Variants in FAM135A observed in about 807,000 individuals in gnomAD.
FAM135A encodes protein FAM135A.
Under a neutral mutation model 146.8 loss-of-function variants are expected in FAM135A, and 79 were observed. That is an observed-to-expected ratio of 0.54 (90% confidence interval 0.45 to 0.65). The LOEUF (loss-of-function observed/expected upper bound fraction) is 0.65, where lower values mean the gene tolerates loss of function less well. Ranked by LOEUF, FAM135A falls within the 30% of genes least tolerant of loss-of-function variation. The probability of loss-of-function intolerance (pLI) is 0.00; values close to 1 mark genes in which losing one functional copy is unlikely to be tolerated. For missense variants in FAM135A, 1,623 were observed against 1,758.2 expected, an observed-to-expected ratio of 0.92 and a Z score of 1.38; for synonymous variants, 562 against 603.6, an observed-to-expected ratio of 0.93 and a Z score of 1.01.
chr6:70,546,029 A>C (rs1798802105), intron 20 of FAM135A, among the ~76,000 whole-genome samples: 1 of 152,024 alleles, frequency 6.6e-6, no homozygotes, highest in Non-Finnish European at 1.5e-5. Flanking sequence ...GAACTATTTC[A>C]TGTGGGGTGT....
At chr6:70,455,023 T>C (rs991814363) in intron 5 of FAM135A, among the ~76,000 whole-genome samples, 1 of 152,212 alleles carries the variant, frequency 6.6e-6, no homozygotes, top group Admixed American at 6.5e-5. Flanking sequence ...CCTTGGGCAG[T>C]ATGGCCATTT....
chr6:70,413,633 C>T lies in FAM135A; in HGVS notation c.-289C>T, dbSNP rs1056421646. On this transcript the variant is annotated 5_prime_UTR_variant, in exon 1 of 22. Coordinates refer to ENST00000418814, the MANE Select transcript of FAM135A (RefSeq NM_001162529.3). Reference sequence around the variant, plus strand: ...GGGATGGTGCTGACCCGGGTCGGGCCGTCTTCTTGCAGCTGGACAACGAGC... The same window carrying T: ...GGGATGGTGCTGACCCGGGTCGGGCTGTCTTCTTGCAGCTGGACAACGAGC... 1.3e-4 allele frequency: 29 copies of T among 216,916 alleles called. No individual in the cohort carries two copies. Among genetic ancestry groups the T allele is most frequent in the Non-Finnish European group, 2.3e-4 (29 of 126,852 alleles). The allele number at this position is 216,916 out of a possible 1,614,324, so 13.4% of individuals were successfully genotyped here.
chr6:70,423,322 C>T (rs1368882391), intron 2 of FAM135A, among the ~76,000 whole-genome samples: 2 of 152,074 alleles, frequency 1.3e-5, no homozygotes, highest in Non-Finnish European at 2.9e-5. Context: ...GAGACAAAAG[C>T]TGGTTTTTTG....
chr6:70,459,899 C>T (rs1387578455), intron 5 of FAM135A, among the ~76,000 whole-genome samples: 5 of 152,008 alleles, frequency 3.3e-5, no homozygotes, highest in East Asian at 1.9e-4. Flanking sequence ...GGCGTGGTGG[C>T]GGGTGCCTGT....
chr6:70,526,442 G>C lies in FAM135A; in HGVS notation c.3358G>C (p.Asp1120His), dbSNP rs1794703276. 6.2e-7 allele frequency: 1 copy of C among 1,613,402 alleles called. No individual in the cohort carries two copies. Among genetic ancestry groups the C allele is most frequent in the Non-Finnish European group, 8.5e-7 (1 of 1,179,636 alleles). ...AATAAATGCTCACTATACAAGCAGA[G>C]ATGAACTAATGGAAGAAAGACTTAC... ...GTINAHYTSR[D>H]ELMEERLTKS... is the part of the protein sequence containing the mutation. The change falls in exon 15 of 22, where the codon GAT (aspartate) becomes CAT (histidine). Residue 1120 changes from aspartate to histidine, a missense_variant. Coordinates refer to ENST00000418814, the MANE Select transcript of FAM135A (RefSeq NM_001162529.3).
rs531405365 is a variant in FAM135A at position 70,522,577 on chromosome 6, A to G, written c.1094A>G (p.Gln365Arg). ...CCAAGAGAAGCTGCCATTGCATACC[A>G]GGAACTTCAGTGAGTAGTATAAATT... ...EHPREAAIAY[Q>R]ELHAQSHLQM... The change falls in exon 13 of 22, where the codon CAG (glutamine) becomes CGG (arginine). Residue 365 changes from glutamine (Q) to arginine (R), a missense_variant. This residue lies in a region of FAM135A where 23 missense variants were observed against 47.7 expected (regional missense o/e 0.48). Transcript: ENST00000418814. The G allele has an allele frequency of 1.2e-6, 2 of 1,613,360 alleles. No individual in the cohort carries two copies. Among genetic ancestry groups the G allele is most frequent in the African/African-American group, 2.7e-5 (2 of 75,040 alleles).
At chr6:70,419,991 G>A (rs183026434) in intron 2 of FAM135A, among the ~76,000 whole-genome samples, 25 of 152,264 alleles carry the variant, frequency 1.6e-4, no homozygotes, top group African/African-American at 6.0e-4. Flanking sequence ...CGGTCTGTAG[G>A]CGACTTTTGC....
chr6:70,416,877 G>A (rs1201480692), intron 2 of FAM135A, among the ~76,000 whole-genome samples: 2 of 152,182 alleles, frequency 1.3e-5, no homozygotes, highest in Non-Finnish European at 2.9e-5. Flanking sequence ...GCAGGTCTAG[G>A]TTTTTCAGAA....
intron 11 of FAM135A, among the ~76,000 whole-genome samples, chr6:70,493,921 C>T (rs534427006): frequency 2.0e-5 from 3 of 151,844 alleles, no homozygotes; most frequent in South Asian, 2.1e-4. Context: ...GGCATGGTGG[C>T]GGGCACCTGC....
intron 2 of FAM135A, chr6:70,418,379 G>A (rs1768007482): frequency 6.6e-6 from 1 of 152,108 alleles, no homozygotes; most frequent in Admixed American, 6.6e-5. Context: ...ACCCAGGCTG[G>A]AGTGCAGTGG....
At position 70,561,049 on chromosome 6, in the gene FAM135A, CTAAT is replaced by C. The variant is rs1313320945; in HGVS notation, c.*1130_*1133del. The C allele has an allele frequency of 1.3e-5, 2 of 152,532 alleles. No homozygotes were observed. The highest frequency in any genetic ancestry group is 3.8e-4 in the East Asian group (2 of 5,196). The allele number at this position is 152,532 out of a possible 1,614,324, so 9.4% of individuals were successfully genotyped here. On this transcript the variant is annotated 3_prime_UTR_variant, in exon 22 of 22. Transcript: ENST00000418814. ...TGGGTAGAAGTTCTGTTTGCACTCA[CTAAT>C]TGTGACAGACAGAGGTTTTTGTAAG...
chr6:70,521,429 C>A (rs1793556442), intron 12 of FAM135A, among the ~76,000 whole-genome samples: 1 of 152,234 alleles, frequency 6.6e-6, no homozygotes, highest in Non-Finnish European at 1.5e-5. Context: ...AGCATTTGGA[C>A]CACATATGAA....
chr6:70,454,372 A>G (rs576778529), intron 5 of FAM135A, among the ~76,000 whole-genome samples: 12 of 152,058 alleles, frequency 7.9e-5, no homozygotes, highest in South Asian at 2.1e-4. Flanking sequence ...GTTCACTCTG[A>G]TGGCAGTTTC....
chr6:70,432,408 A>T (rs1009585532), intron 4 of FAM135A, among the ~76,000 whole-genome samples: 1 of 152,176 alleles, frequency 6.6e-6, no homozygotes, highest in Admixed American at 6.5e-5. Context: ...TAACTTATAG[A>T]AGAGCAAAAT....
intron 2 of FAM135A, among the ~76,000 whole-genome samples, chr6:70,424,319 A>C (rs757453241): frequency 6.6e-6 from 1 of 152,230 alleles, no homozygotes; most frequent in Non-Finnish European, 1.5e-5. Context: ...TTATTTGACA[A>C]ATACTATTCC....
intron 2 of FAM135A, among the ~76,000 whole-genome samples, chr6:70,420,494 T>C (rs1204317084): frequency 2.6e-5 from 4 of 152,222 alleles, no homozygotes; most frequent in African/African-American, 4.8e-5. Context: ...CCTTTGTGGA[T>C]ATTGGATGTA....
rs373114252 is a variant in FAM135A at position 70,421,517 on chromosome 6, G to T, written c.-133-4922G>T. 1.7e-4 allele frequency among the ~76,000 whole-genome samples: 26 copies of T among 152,308 alleles called. No homozygotes were observed. The East Asian group carries it at 4.2e-3, about 25-fold the overall frequency. On this transcript the variant is annotated intron_variant, in intron 2 of 21. Transcript: ENST00000418814. Reference sequence around the variant, plus strand: ...CAAGGTATTAATAAGGTAGTTGTCAGATTGTTTACCCTATCAGGTTTGACT... The same window carrying T: ...CAAGGTATTAATAAGGTAGTTGTCATATTGTTTACCCTATCAGGTTTGACT...
chr6:70,554,389 A>C (rs1314952947), intron 20 of FAM135A, among the ~76,000 whole-genome samples: 1 of 152,154 alleles, frequency 6.6e-6, no homozygotes, highest in Admixed American at 6.5e-5. Flanking sequence ...CTGAGAATTG[A>C]TCCTTAAATT....
At chr6:70,548,450 TGA>T (rs1799239629) in intron 20 of FAM135A, among the ~76,000 whole-genome samples, 1 of 152,194 alleles carries the variant, frequency 6.6e-6, no homozygotes, top group African/African-American at 2.4e-5. Context: ...TCATGGAATC[TGA>T]GAGTGAAAGG....
Sources: gnomAD v4.1 joint callset for allele counts (sites outside exome capture counted in the v4.1 genomes callset) on GRCh38, gnomAD v4.1.1 for gene constraint, gnomAD v4.1.1 regional missense constraint, MANE v1.5 for transcripts, NCBI Gene and HGNC (gene_info 2026-07-23, HGNC 2026-07-21) for gene names.